DNAJC14: variants seen among roughly 807,000 people sequenced by gnomAD.
DNAJC14 encodes the protein dnaJ homolog subfamily C member 14.
A neutral mutation model predicts 68.8 loss-of-function variants in DNAJC14; 12 were observed. That is an observed-to-expected ratio of 0.17 (90% CI 0.11 to 0.28). The LOEUF is 0.28. DNAJC14 is among the 10% of genes least tolerant of loss of function. The probability of loss-of-function intolerance (pLI) is 1.00; values close to 1 mark genes in which losing one functional copy is unlikely to be tolerated. For missense variants in DNAJC14, 764 were observed against 875.6 expected (o/e 0.87, Z 1.61); for synonymous variants, 350 against 321.5 (o/e 1.09, Z -0.95).
rs975245981 is a variant in DNAJC14 at position 55,828,781 on chromosome 12, T to C, written c.-56-67A>G. 6 of 1,406,218 alleles carry C rather than the reference T, an allele frequency of 4.3e-6. No homozygotes were observed. In the African/African-American group the frequency reaches 8.7e-5, roughly 20 times the overall value. 87.1% of individuals were successfully genotyped at this position (1,406,218 alleles called of 1,614,324 possible). A position where few individuals can be genotyped will look rare whatever the true frequency, so the allele number is the denominator to read the frequency against. ...AAGAGAGGAATTAAACAATCTCAAA[T>C]AGTGGACACATTTAATTCATCCACC... On this transcript the variant is annotated intron_variant, in intron 1 of 6. Coordinates refer to ENST00000678005, the MANE Select transcript of DNAJC14 (RefSeq NM_032364.6).
chr12:55,829,045 A>G, intron 1 of DNAJC14: 1 of 956,414 alleles, frequency 1.0e-6, no homozygotes, highest in Non-Finnish European at 1.3e-6. Context: ...AGGGGGCCAC[A>G]GACTTCCAGT....
At chr12:55,824,329 T>C (rs560314838) in intron 2 of DNAJC14, among the ~76,000 whole-genome samples, 8 of 152,308 alleles carry the variant, frequency 5.3e-5, no homozygotes, top group Admixed American at 1.3e-4. Context: ...TACAGTGATA[T>C]GCCTTTCAGT....
chr12:55,829,432 G>C (rs1880907221), intron 1 of DNAJC14, 57 bp downstream of exon 1: 2 of 982,198 alleles, frequency 2.0e-6, no homozygotes, highest in Non-Finnish European at 2.4e-6. Context: ...GTGACAGAGC[G>C]AGACTCCATC....
intron 2 of DNAJC14, among the ~76,000 whole-genome samples, chr12:55,826,376 T>C (rs907265558): frequency 2.0e-5 from 3 of 146,794 alleles, no homozygotes; most frequent in Non-Finnish European, 4.5e-5. Flanking sequence ...GCTCAACTGA[T>C]CCTCCCACCT....
In DNAJC14 at chr12:55,828,754, C is replaced by A. The variant is rs891840972; in HGVS notation, c.-56-40G>T. ...AAGGTGGAGACAGTCAAGGATGAGA[C>A]CAAGAGAGGAATTAAACAATCTCAA... On this transcript the variant is annotated intron_variant, in intron 1 of 6. Transcript: ENST00000678005. The A allele has an allele frequency of 2.8e-6, 4 of 1,452,942 alleles. No individual in the cohort carries two copies. In the African/African-American group the frequency reaches 4.3e-5, roughly 16 times the overall value. 90.0% of individuals were successfully genotyped at this position (1,452,942 alleles called of 1,614,324 possible). A position where few individuals can be genotyped will look rare whatever the true frequency, so the allele number is the denominator to read the frequency against.
chr12:55,822,055 A>G lies in DNAJC14; in HGVS notation c.2031T>C (p.Ser677=), dbSNP rs754978504. The G allele has an allele frequency of 1.1e-5, 17 of 1,614,150 alleles. No individual in the cohort carries two copies. The highest frequency in any genetic ancestry group is 1.4e-5 in the Non-Finnish European group (16 of 1,180,002). Residue 677 remains serine (S), a synonymous_variant, in exon 7 of 7, where the codon TCT becomes TCC. Coordinates refer to ENST00000678005, the MANE Select transcript of DNAJC14 (RefSeq NM_032364.6). Reference sequence around the variant, plus strand: ...CCTTGGGTACTGTGCTGTTGGGCTTAGAGGCTGCAGCGGCTCCAGGGGCAG... The same window carrying G: ...CCTTGGGTACTGTGCTGTTGGGCTTGGAGGCTGCAGCGGCTCCAGGGGCAG... The part of the protein sequence containing the change: ...PQPAPGAAAA[S]KPNSTVPKGE...
chr12:55,828,571 C>A lies in DNAJC14; in HGVS notation c.88G>T (p.Asp30Tyr). The part of the protein sequence containing the change: ...ASLRTLGPSV[D>Y]PEIPSFSGLR... ...CCTGAGAATGAAGGTATTTCAGGGTCCACGGAGGGTCCTAAAGTCCTGAGG... is the reference window on the plus strand; with the variant it reads ...CCTGAGAATGAAGGTATTTCAGGGTACACGGAGGGTCCTAAAGTCCTGAGG... Residue 30 changes from aspartate (D) to tyrosine (Y), a missense_variant, in exon 2 of 7, where the codon GAC becomes TAC. By Grantham distance (160) the Asp-to-Tyr change is radical. Transcript: ENST00000678005. 1 of 1,614,100 alleles carries A rather than the reference C, an allele frequency of 6.2e-7. No homozygotes were observed. The highest frequency in any genetic ancestry group is 1.3e-5 in the African/African-American group (1 of 74,984).
At chr12:55,826,019 C>T (rs1345579035) in intron 2 of DNAJC14, among the ~76,000 whole-genome samples, 1 of 152,020 alleles carries the variant, frequency 6.6e-6, no homozygotes, top group African/African-American at 2.4e-5. Flanking sequence ...ATACTAGGTC[C>T]ATATTTGCTT....
rs1880856333 is a variant in DNAJC14, at chr12:55,828,164, A to T, written c.495T>A (p.Asp165Glu). The T allele has an allele frequency of 6.2e-7, 1 of 1,612,468 alleles. No individual in the cohort carries two copies. Among genetic ancestry groups the T allele is most frequent in the East Asian group, 2.2e-5 (1 of 44,872 alleles). ...CATCATCATATTCCTCTTCCAACTC[A>T]TCTTCCCCCAAAGCTGGAGAGGTAC... ...HHCTSPALGE[D>E]ELEEEYDDEE... Residue 165 changes from aspartate to glutamate, a missense_variant, in exon 2 of 7, where the codon GAT becomes GAA. Physicochemically the swap from Asp to Glu is conservative, Grantham distance 45. Transcript: ENST00000678005.
intron 1 of DNAJC14, chr12:55,829,166 G>A: frequency 2.0e-6 from 2 of 985,984 alleles, no homozygotes; most frequent in Non-Finnish European, 2.4e-6. Context: ...GACGAAGGTG[G>A]CCGGGCACCG....
rs756765463 is a variant in DNAJC14, at chr12:55,827,642, C to G, written c.1017G>C (p.Leu339Phe). ...ALLLLALALF[L>F]GFLQLGWRFL... Reference sequence around the variant, plus strand: ...ACCGCCATCCCAACTGTAGAAAGCCCAAAAAGAGGGCCAGAGCCAGGAGCA... The same window carrying G: ...ACCGCCATCCCAACTGTAGAAAGCCGAAAAAGAGGGCCAGAGCCAGGAGCA... The change falls in exon 2 of 7, where the codon TTG (leucine) becomes TTC (phenylalanine). Residue 339 changes from leucine (L) to phenylalanine (F), a missense_variant. Physicochemically the swap from Leu to Phe is conservative, Grantham distance 22. Coordinates refer to ENST00000678005, the MANE Select transcript of DNAJC14 (RefSeq NM_032364.6). The G allele has an allele frequency of 1.9e-6, 3 of 1,612,350 alleles. No homozygotes were observed. Among genetic ancestry groups the G allele is most frequent in the South Asian group, 1.1e-5 (1 of 90,904 alleles).
intron 2 of DNAJC14, among the ~76,000 whole-genome samples, chr12:55,826,870 C>A (rs1487928049): frequency 6.6e-6 from 1 of 151,592 alleles, no homozygotes; most frequent in Admixed American, 6.6e-5. Context: ...TCCCTTTATT[C>A]CACTCTCCCT....
At chr12:55,828,966 G>C (rs1880885049) in intron 1 of DNAJC14, among the ~76,000 whole-genome samples, 1 of 152,202 alleles carries the variant, frequency 6.6e-6, no homozygotes, top group Non-Finnish European at 1.5e-5. Context: ...GGGAAACAGG[G>C]AGGTACCGTA....
chr12:55,826,794 G>A (rs372249714), intron 2 of DNAJC14, among the ~76,000 whole-genome samples: 6 of 146,298 alleles, frequency 4.1e-5, no homozygotes, highest in East Asian at 2.1e-4. Context: ...GCGTGACTCC[G>A]TCTCAAGAAA....
intron 3 of DNAJC14, 53 bp downstream of exon 3, chr12:55,823,349 T>C: frequency 2.5e-6 from 4 of 1,604,072 alleles, no homozygotes; most frequent in Non-Finnish European, 3.4e-6. Context: ...ATGCCTCTGC[T>C]ATTGAGGATT....
chr12:55,826,839 C>T (rs549849487), intron 2 of DNAJC14, among the ~76,000 whole-genome samples: 1 of 151,338 alleles, frequency 6.6e-6, no homozygotes, highest in Non-Finnish European at 1.5e-5. Flanking sequence ...TTCACCTACC[C>T]GTTAACTTTC....
intron 2 of DNAJC14, among the ~76,000 whole-genome samples, chr12:55,826,063 A>T (rs921934327): frequency 3.4e-5 from 5 of 148,044 alleles, no homozygotes; most frequent in Non-Finnish European, 7.5e-5. Context: ...CCCCATGTTT[A>T]AAAAAAAAAG....
intron 2 of DNAJC14, among the ~76,000 whole-genome samples, chr12:55,825,309 T>C (rs141452934): frequency 6.6e-6 from 1 of 152,258 alleles, no homozygotes. Flanking sequence ...ATTGAGGTAA[T>C]TTGCACACTG....
Position 55,828,194 on chromosome 12 carries a change from G to A in DNAJC14, c.465C>T (p.His155=). ...GGNGSSSNFC[H]HCTSPALGED... Reference sequence around the variant, plus strand: ...CCCCCAAAGCTGGAGAGGTACAGTGGTGGCAAAAGTTGCTAGAAGAACCAT... The same window carrying A: ...CCCCCAAAGCTGGAGAGGTACAGTGATGGCAAAAGTTGCTAGAAGAACCAT... The change falls in exon 2 of 7, where the codon CAC becomes CAT. Residue 155 remains histidine (H), a synonymous_variant. Transcript: ENST00000678005. 3 of 1,612,016 alleles carry A rather than the reference G, an allele frequency of 1.9e-6. No individual in the cohort carries two copies. Among genetic ancestry groups the A allele is most frequent in the Non-Finnish European group, 2.5e-6 (3 of 1,179,174 alleles).
Sources: allele counts gnomAD v4.1 joint callset (sites outside exome capture counted in the v4.1 genomes callset), GRCh38; gene constraint gnomAD v4.1.1; transcripts MANE v1.5; gene names NCBI Gene and HGNC (gene_info 2026-07-23, HGNC 2026-07-21).